The following PDXDC1 variants were observed in gnomAD, a reference collection of about 807,000 sequenced individuals.
The protein encoded by PDXDC1 is pyridoxal dependent decarboxylase domain containing 1.
In PDXDC1, 42 loss-of-function variants were observed where a neutral mutation model predicts 100.1. The observed-to-expected ratio is 0.42, with a 90% confidence interval of 0.33 to 0.54. The LOEUF (loss-of-function observed/expected upper bound fraction) is 0.54, where lower values mean the gene tolerates loss of function less well. PDXDC1 is among the 20% of genes least tolerant of loss of function. The pLI, the probability that PDXDC1 is intolerant of heterozygous loss-of-function variation, is 0.10. For missense variants in PDXDC1, 636 were observed against 979.2 expected, an observed-to-expected ratio of 0.65 and a Z score of 4.68; for synonymous variants, 260 against 371.7, an observed-to-expected ratio of 0.70 and a Z score of 3.46.
At chr16:14,996,541 G>T (rs1158645154) in intron 1 of PDXDC1, among the ~76,000 whole-genome samples, 6 of 152,268 alleles carry the variant, frequency 3.9e-5, no homozygotes, top group Admixed American at 2.0e-4. Flanking sequence ...CAGAGATTAA[G>T]AATAGAGAAA....
intron 16 of PDXDC1, among the ~76,000 whole-genome samples, chr16:15,073,811 G>C (rs1187770608): frequency 6.6e-6 from 1 of 152,068 alleles, no homozygotes; most frequent in African/African-American, 2.4e-5. Context: ...TAGAGATGGG[G>C]TCTTGTTATG....
rs747265078 is a variant in PDXDC1 at position 15,031,802 on chromosome 16, G to C, written c.1467G>C (p.Leu489=). 1 of 1,614,002 alleles carries C rather than the reference G, an allele frequency of 6.2e-7. No homozygotes were observed. Among genetic ancestry groups the C allele is most frequent in the Non-Finnish European group, 8.5e-7 (1 of 1,179,910 alleles). Residue 489 remains leucine, a synonymous_variant, in exon 17 of 23, where the codon CTG becomes CTC. Coordinates refer to ENST00000396410, the MANE Select transcript of PDXDC1 (RefSeq NM_015027.4). The part of the protein sequence containing the change: ...VACIESKLPV[L]CCTLQLREEF... ...GCATAGAAAGCAAACTGCCAGTGCT[G>C]TGCTGTACGCTCCAGTTGCGTGAAG...
intron 16 of PDXDC1, chr16:15,044,489 G>C: frequency 1.1e-6 from 1 of 909,672 alleles, no homozygotes; most frequent in South Asian, 1.4e-5. Context: ...TTCATTCTCA[G>C]TTTCCATGAA....
chr16:15,149,356 T>C, the PDXDC1 span, among the ~76,000 whole-genome samples: 1 of 152,272 alleles, frequency 6.6e-6, no homozygotes, highest in East Asian at 1.9e-4. Flanking sequence ...CCCTCGAGGG[T>C]GGCCCTCCTT....
rs779054372 is a variant in PDXDC1, at chr16:15,028,917, C to T, written c.1244C>T (p.Pro415Leu). The T allele has an allele frequency of 2.5e-6, 4 of 1,613,970 alleles. No individual in the cohort carries two copies. The East Asian group carries it at 6.7e-5, about 27-fold the overall frequency. ...FKAVPVPNMT[P>L]SGVGRERHSC... is the part of the protein sequence containing the mutation. ...GCCGTCCCAGTGCCCAACATGACACCTTCAGGAGTCGGCCGGGAGAGGCAC... is the reference window on the plus strand; with the variant it reads ...GCCGTCCCAGTGCCCAACATGACACTTTCAGGAGTCGGCCGGGAGAGGCAC... Residue 415 changes from proline (P) to leucine (L), a missense_variant, in exon 15 of 23, where the codon CCT (proline) becomes CTT (leucine). Physicochemically the swap from Pro to Leu is moderately conservative, Grantham distance 98. Around this residue, in one of 4 missense-constraint regions of PDXDC1, gnomAD observed 44 missense variants for 46.9 expected, o/e 0.94. Transcript: ENST00000396410.
chr16:15,087,093 T>G (rs1388802918), intron 16 of PDXDC1, among the ~76,000 whole-genome samples: 1 of 152,200 alleles, frequency 6.6e-6, no homozygotes, highest in African/African-American at 2.4e-5. Context: ...GTGTCAATTA[T>G]GTAAAATATT....
intron 1 of PDXDC1, among the ~76,000 whole-genome samples, chr16:14,984,476 C>CATATATATAT (rs749990542): frequency 3.2e-5 from 3 of 92,692 alleles, no homozygotes; most frequent in African/African-American, 7.7e-5. Context: ...TGTGTGTATA[C>CATATATATAT]ATATATATAT....
At chr16:15,029,787 A>G (rs1223281628) in intron 15 of PDXDC1, 164 bp from the exon 16 acceptor site, 2 of 603,490 alleles carry the variant, frequency 3.3e-6, no homozygotes, top group African/African-American at 1.9e-5. Context: ...AAAACCATAA[A>G]ATTTACTGTT....
the PDXDC1 span, among the ~76,000 whole-genome samples, chr16:15,147,833 C>T: frequency 1.3e-5 from 2 of 152,166 alleles, no homozygotes; most frequent in East Asian, 3.9e-4. Flanking sequence ...GGATTACAGG[C>T]GCCCACCACC....
chr16:15,047,787 G>A, intron 16 of PDXDC1: 1 of 1,331,128 alleles, frequency 7.5e-7, no homozygotes, highest in Non-Finnish European at 1.1e-6. Context: ...AACTCAACAC[G>A]AGAAATTCAA....
intron 1 of PDXDC1, among the ~76,000 whole-genome samples, chr16:14,996,553 G>C (rs1439016157): frequency 6.6e-6 from 1 of 152,276 alleles, no homozygotes; most frequent in Non-Finnish European, 1.5e-5. Context: ...ATAGAGAAAG[G>C]AAAAGGAAAG....
intron 16 of PDXDC1, among the ~76,000 whole-genome samples, chr16:15,055,438 A>G (rs2044470070): frequency 6.6e-6 from 1 of 152,190 alleles, no homozygotes; most frequent in Non-Finnish European, 1.5e-5. Flanking sequence ...CCCCAGGCCA[A>G]ACGCTCTCCG....
At position 15,083,733 on chromosome 16, in the gene PDXDC1, T is replaced by C. The variant is rs1381523931; in HGVS notation, c.1399+53677T>C. 6.4e-6 allele frequency: 7 copies of C among 1,099,544 alleles called. No homozygotes were observed. In the African/African-American group the frequency reaches 1.1e-4, roughly 18 times the overall value. 68.1% of individuals were successfully genotyped at this position (1,099,544 alleles called of 1,614,324 possible). A position where few individuals can be genotyped will look rare whatever the true frequency, so the allele number is the denominator to read the frequency against. On this transcript the variant is annotated intron_variant, in intron 16 of 16. Coordinates refer to the PDXDC1 transcript ENST00000535621. The stretch of plus-strand genomic sequence containing the variant: ...AAGAACTGGAACTTTTTTTGTTTTT[T>C]GAGACGGAGTTTCGCTCTTGTTGCC...
intron 16 of PDXDC1, chr16:15,094,479 T>TC: frequency 1.8e-6 from 1 of 561,726 alleles, no homozygotes; most frequent in East Asian, 3.1e-5. Flanking sequence ...ACCGGCTCCA[T>TC]CCAGCCCTGA....
chr16:15,029,880 G>T, intron 15 of PDXDC1, 71 bp from the exon 16 acceptor site: 1 of 1,398,722 alleles, frequency 7.1e-7, no homozygotes, highest in Non-Finnish European at 9.9e-7. Flanking sequence ...GGGGCCGAGG[G>T]GATGAGGGTG....
intron 16 of PDXDC1, among the ~76,000 whole-genome samples, chr16:15,057,316 C>G (rs1163598979): frequency 1.3e-5 from 2 of 152,184 alleles, no homozygotes; most frequent in East Asian, 3.8e-4. Flanking sequence ...ATTATTACAC[C>G]TACATTTCTC....
At chr16:15,061,925 C>T in intron 16 of PDXDC1, 1 of 1,598,220 alleles carries the variant, frequency 6.3e-7, no homozygotes, top group South Asian at 1.1e-5. Context: ...CATCAGAAAT[C>T]ATCAGTAACA....
chr16:14,997,361 AC>A lies in PDXDC1; in HGVS notation c.22-385del, dbSNP rs71228826. On this transcript the variant is annotated intron_variant, in intron 1 of 22. Transcript: ENST00000396410. ...AGACTAGCATGGCCAACATGGTGAA[AC>A]CCCCCCGTCTCTACTAAAAATACAA... Among the ~76,000 whole-genome samples, 93 of 152,274 alleles carry A rather than the reference AC, an allele frequency of 6.1e-4. 1 individual carries two copies. The South Asian group carries it at 0.019, about 31-fold the overall frequency.
At chr16:15,048,780 C>T (rs2044182332) in intron 16 of PDXDC1, among the ~76,000 whole-genome samples, 1 of 152,034 alleles carries the variant, frequency 6.6e-6, no homozygotes, top group African/African-American at 2.4e-5. Flanking sequence ...TGCACCACCA[C>T]ACCTGGCTGA....
Sources: gnomAD v4.1 joint callset for allele counts (sites outside exome capture counted in the v4.1 genomes callset) on GRCh38, gnomAD v4.1.1 for gene constraint, gnomAD v4.1.1 regional missense constraint, MANE v1.5 for transcripts, NCBI Gene and HGNC (gene_info 2026-07-23, HGNC 2026-07-21) for gene names.